Variants in CD72 observed in about 807,000 individuals in gnomAD.
CD72 encodes B-cell differentiation antigen CD72.
CD72 carries 28 observed loss-of-function variants against 50.7 expected under a neutral mutation model. The observed-to-expected ratio is 0.55, with a 90% CI of 0.41 to 0.76. The LOEUF (loss-of-function observed/expected upper bound fraction) is 0.76, where lower values mean the gene tolerates loss of function less well. Ranked by LOEUF, CD72 falls within the 30% of genes least tolerant of loss-of-function variation. CD72 has a pLI of 0.00. For synonymous variants in CD72, 176 were observed against 171.2 expected, an observed-to-expected ratio of 1.03 and a Z score of -0.22; for missense variants, 403 against 420.6, an observed-to-expected ratio of 0.96 and a Z score of 0.37.
intron 1 of CD72, among the ~76,000 whole-genome samples, chr9:35,627,881 G>GTTCGAC (rs1445900694): frequency 5.9e-5 from 9 of 151,834 alleles, no homozygotes; most frequent in African/African-American, 2.2e-4. Context: ...TGTCACCCAG[G>GTTCGAC]CTGGAGTACA....
At chr9:35,616,733 A>G (rs1236232211) in intron 3 of CD72, 44 bp from the exon 4 acceptor site, 2 of 1,506,944 alleles carry the variant, frequency 1.3e-6, no homozygotes, top group East Asian at 4.5e-5. Flanking sequence ...AGCCCCCGTA[A>G]AGAATGTAGA....
chr9:35,640,239 G>C (rs1294443414), intron 1 of CD72, among the ~76,000 whole-genome samples: 1 of 152,208 alleles, frequency 6.6e-6, no homozygotes, highest in Non-Finnish European at 1.5e-5. Flanking sequence ...TACTTTGGGG[G>C]TCCCCAGGTC....
At chr9:35,621,543 T>C (rs1358270072), upstream of CD72, among the ~76,000 whole-genome samples, 2 of 152,214 alleles carry the variant, frequency 1.3e-5, no homozygotes, top group African/African-American at 2.4e-5. Flanking sequence ...CCAAAAATGT[T>C]CACACCCGAA....
In CD72 at chr9:35,612,793, T is replaced by C. The variant is rs1459661778; in HGVS notation, c.834+55A>G. On this transcript the variant is annotated intron_variant, in intron 6 of 8. Coordinates refer to ENST00000259633, the MANE Select transcript of CD72 (RefSeq NM_001782.3). ...CACTGCCATTCCTGACTTGATGACATATGTCCCTTTACCTAATAGTACCCA... is the reference window on the plus strand; with the variant it reads ...CACTGCCATTCCTGACTTGATGACACATGTCCCTTTACCTAATAGTACCCA... The C allele has an allele frequency of 2.6e-6, 4 of 1,546,714 alleles. No homozygotes were observed. The African/African-American group carries it at 4.1e-5, about 16-fold the overall frequency.
At chr9:35,615,638 G>A (rs899733632) in intron 5 of CD72, among the ~76,000 whole-genome samples, 2 of 151,688 alleles carry the variant, frequency 1.3e-5, no homozygotes, top group Non-Finnish European at 2.9e-5. Context: ...ATTTGGGGGC[G>A]TTCCCAGATC....
At chr9:35,616,500 G>C in intron 4 of CD72, 100 bp downstream of exon 4, 1 of 1,044,760 alleles carries the variant, frequency 9.6e-7, no homozygotes, top group Non-Finnish European at 1.5e-6. Flanking sequence ...AGGAGGTGGT[G>C]GTAGTGACTA....
chr9:35,626,314 T>G (rs1165086478), intron 1 of CD72, among the ~76,000 whole-genome samples: 1 of 151,988 alleles, frequency 6.6e-6, no homozygotes, highest in Non-Finnish European at 1.5e-5. Context: ...CAGTTAGAAA[T>G]GGAGTCTGAA....
At chr9:35,617,609 C>T (rs950922757) in intron 2 of CD72, among the ~76,000 whole-genome samples, 3 of 152,124 alleles carry the variant, frequency 2.0e-5, no homozygotes, top group African/African-American at 4.8e-5. Flanking sequence ...GAACTCATCC[C>T]CCACAGGGCT....
intron 8 of CD72, 120 bp from the exon 9 acceptor site, chr9:35,610,420 C>T (rs922226074): frequency 2.0e-6 from 1 of 500,792 alleles, no homozygotes; most frequent in African/African-American, 1.9e-5. Context: ...AGTTGTAGGC[C>T]TTACCTGTCC....
chr9:35,631,934 A>C (rs1823249991), intron 1 of CD72, among the ~76,000 whole-genome samples: 1 of 152,094 alleles, frequency 6.6e-6, no homozygotes, highest in Non-Finnish European at 1.5e-5. Context: ...AATGGCATAG[A>C]AATTATTATT....
At chr9:35,645,412 T>C (rs1823382473) in intron 1 of CD72, among the ~76,000 whole-genome samples, 1 of 151,590 alleles carries the variant, frequency 6.6e-6, no homozygotes, top group Admixed American at 6.6e-5. Context: ...TGAAACCCCG[T>C]CTCTATTAAA....
chr9:35,618,417 G>A (rs1823102279), upstream of CD72: 2 of 1,553,494 alleles, frequency 1.3e-6, no homozygotes, highest in African/African-American at 1.4e-5. Flanking sequence ...TGACTGCACG[G>A]CTTAGCAATT....
At chr9:35,632,907 G>T (rs1823258682) in intron 1 of CD72, among the ~76,000 whole-genome samples, 1 of 147,720 alleles carries the variant, frequency 6.8e-6, no homozygotes, top group African/African-American at 2.5e-5. Flanking sequence ...ACAATTTTTT[G>T]GATTTATTTA....
intron 1 of CD72, among the ~76,000 whole-genome samples, chr9:35,624,962 T>G (rs940891726): frequency 2.0e-5 from 3 of 152,144 alleles, no homozygotes; most frequent in Non-Finnish European, 4.4e-5. Flanking sequence ...ATTCCCTGTC[T>G]TGCTCCCTCT....
chr9:35,617,561 C>A (rs1196680895), intron 2 of CD72, among the ~76,000 whole-genome samples: 1 of 152,102 alleles, frequency 6.6e-6, no homozygotes. Context: ...CATCTCCCAT[C>A]ACCTCTTTTC....
At chr9:35,627,458 C>A (rs369493198) in intron 1 of CD72, among the ~76,000 whole-genome samples, 4 of 150,112 alleles carry the variant, frequency 2.7e-5, no homozygotes, top group South Asian at 2.1e-4. Context: ...CATTGGGAAA[C>A]AAAAAAAAAA....
At chr9:35,627,122 G>C (rs1454061069) in intron 1 of CD72, among the ~76,000 whole-genome samples, 1 of 148,270 alleles carries the variant, frequency 6.7e-6, no homozygotes, top group Non-Finnish European at 1.5e-5. Flanking sequence ...ACAGGCGTGA[G>C]CCACCACGCC....
At chr9:35,631,246 G>A (rs146295149) in intron 1 of CD72, among the ~76,000 whole-genome samples, 1 of 151,742 alleles carries the variant, frequency 6.6e-6, no homozygotes, top group East Asian at 1.9e-4. Flanking sequence ...GGTTTTTCTG[G>A]TACAATCATG....
intron 7 of CD72, 33 bp from the exon 8 acceptor site, chr9:35,610,786 T>C (rs1042806697): frequency 6.4e-7 from 1 of 1,562,596 alleles, no homozygotes; most frequent in Non-Finnish European, 8.8e-7. Flanking sequence ...TGGGATATGC[T>C]CTGGACATAT....
Sources: gnomAD v4.1 joint callset for allele counts (sites outside exome capture counted in the v4.1 genomes callset) on GRCh38, gnomAD v4.1.1 for gene constraint, MANE v1.5 for transcripts, NCBI Gene and HGNC (gene_info 2026-07-23, HGNC 2026-07-21) for gene names.